Variants in CADM2 observed in about 807,000 individuals in gnomAD.
The protein encoded by CADM2 is cell adhesion molecule 2, also known as immunoglobulin superfamily member 4D.
A neutral mutation model predicts 49.8 loss-of-function variants in CADM2; 12 were observed. That is an observed-to-expected ratio of 0.24 (90% CI 0.15 to 0.39). CADM2 has a LOEUF of 0.39. Ranked by LOEUF, CADM2 falls within the 10% of genes least tolerant of loss-of-function variation. The pLI is 1.00. For missense variants in CADM2, 378 were observed against 492.3 expected (o/e 0.77, Z 2.20); for synonymous variants, 214 against 175.4 (o/e 1.22, Z -1.74).
At chr3:85,024,824 A>G (rs1046258635) in intron 1 of CADM2, among the ~76,000 whole-genome samples, 1 of 152,048 alleles carries the variant, frequency 6.6e-6, no homozygotes, top group Non-Finnish European at 1.5e-5. Flanking sequence ...CAGAAGGGAA[A>G]TTTGCATTAA....
intron 3 of CADM2, among the ~76,000 whole-genome samples, chr3:85,817,891 G>T (rs569023850): frequency 5.9e-5 from 9 of 152,072 alleles, no homozygotes; most frequent in Non-Finnish European, 1.2e-4. Flanking sequence ...GTCTCGGTGT[G>T]TAGGCTGAAA....
Position 85,137,974 on chromosome 3 carries a change from T to C in CADM2, c.61+178306T>C, listed in dbSNP as rs373831518. On this transcript the variant is annotated intron_variant, in intron 1 of 9. Coordinates refer to ENST00000383699, the MANE Select transcript of CADM2 (RefSeq NM_001167675.2). ...CTGAGAGGTTTTTCTTTCTTTCATA[T>C]AAATGTACATTCATAGAAATAGATT... 5.6e-3 allele frequency among the ~76,000 whole-genome samples: 846 copies of C among 152,274 alleles called. 3 individuals are homozygous for C. Among genetic ancestry groups the C allele is most frequent in the Non-Finnish European group, 9.7e-3 (659 of 67,992 alleles).
chr3:85,718,879 T>C (rs2067393165), intron 1 of CADM2, among the ~76,000 whole-genome samples: 1 of 129,444 alleles, frequency 7.7e-6, no homozygotes, highest in South Asian at 2.5e-4. Flanking sequence ...AAATTAATGG[T>C]ATTTTATTAT....
intron 1 of CADM2, among the ~76,000 whole-genome samples, chr3:85,100,957 A>C (rs1252619417): frequency 6.6e-6 from 1 of 152,148 alleles, no homozygotes; most frequent in Non-Finnish European, 1.5e-5. Context: ...ATAAGATGTC[A>C]TACAAATCAA....
chr3:85,959,052 ATATATC>A (rs1222921304), intron 7 of CADM2, among the ~76,000 whole-genome samples: 57 of 150,842 alleles, frequency 3.8e-4, no homozygotes, highest in African/African-American at 2.4e-4. Flanking sequence ...CTATATATCT[ATATATC>A]TATATCTATA....
At position 86,070,245 on chromosome 3, in the gene CADM2, TATCTC is replaced by T. The variant is rs1418496544; in HGVS notation, c.*3464_*3468del. The T allele has an allele frequency of 2.6e-5, 4 of 151,968 alleles. No individual in the cohort carries two copies. The highest frequency in any genetic ancestry group is 5.9e-5 in the Non-Finnish European group (4 of 67,884). The allele number at this position is 151,968 out of a possible 1,614,324, so 9.4% of individuals were successfully genotyped here. On this transcript the variant is annotated 3_prime_UTR_variant, in exon 10 of 10. Transcript: ENST00000383699. ...TTTTATTTCTTTGTAAAAATATAAA[TATCTC>T]AATCAAAAGTACAGGCTCATTTGTA...
In CADM2 at chr3:85,436,906, C is replaced by T. The variant is rs778285889; in HGVS notation, c.62-289616C>T. ...ACTAGGGTTCACTCTTGTTACTGTA[C>T]GTTTATGAGTTTGGAGAAATATATG... is the stretch of plus-strand genomic sequence containing the variant. On this transcript the variant is annotated intron_variant, in intron 1 of 9. Transcript: ENST00000383699. Among the ~76,000 whole-genome samples the T allele has an allele frequency of 1.1e-4, 16 of 152,068 alleles. No homozygotes were observed. The East Asian group carries it at 2.3e-3, about 22-fold the overall frequency.
rs967771685 is a variant in CADM2, at chr3:85,588,819, A to G, written c.62-137703A>G. The stretch of plus-strand genomic sequence containing the variant: ...AAATAGTGCACCTGCCTGGAGAACC[A>G]ATTAGATTAGACAGTAGAAGCAAGG... On this transcript the variant is annotated intron_variant, in intron 1 of 9. Coordinates refer to ENST00000383699, the MANE Select transcript of CADM2 (RefSeq NM_001167675.2). Among the ~76,000 whole-genome samples, 26 of 152,006 alleles carry G rather than the reference A, an allele frequency of 1.7e-4. 1 individual carries two copies. Among genetic ancestry groups the G allele is most frequent in the African/African-American group, 6.3e-4 (26 of 41,428 alleles).
chr3:85,095,219 T>A (rs2107531274), intron 1 of CADM2, among the ~76,000 whole-genome samples: 1 of 152,270 alleles, frequency 6.6e-6, no homozygotes. Context: ...AATCTAGAGA[T>A]GTGCATACAC....
At chr3:85,638,350 C>T (rs2064584608) in intron 1 of CADM2, among the ~76,000 whole-genome samples, 1 of 152,008 alleles carries the variant, frequency 6.6e-6, no homozygotes. Flanking sequence ...TTCTGTGTTT[C>T]CTAAATTCTT....
intron 1 of CADM2, among the ~76,000 whole-genome samples, chr3:85,274,484 G>A (rs534073506): frequency 1.3e-5 from 2 of 151,416 alleles, no homozygotes; most frequent in South Asian, 4.2e-4. Flanking sequence ...CATTCATTAA[G>A]AGGAAGGATG....
At chr3:86,063,515 A>C (rs1048930388) in intron 8 of CADM2, among the ~76,000 whole-genome samples, 1 of 152,164 alleles carries the variant, frequency 6.6e-6, no homozygotes, top group Non-Finnish European at 1.5e-5. Flanking sequence ...AGTTCAACCT[A>C]GTTAGTCATA....
chr3:85,026,325 C>G (rs1342800921), intron 1 of CADM2, among the ~76,000 whole-genome samples: 2 of 151,934 alleles, frequency 1.3e-5, no homozygotes, highest in Non-Finnish European at 2.9e-5. Context: ...AATAGCAAAC[C>G]AGTTGCTAAA....
At chr3:85,414,172 A>C (rs999575374) in intron 1 of CADM2, among the ~76,000 whole-genome samples, 8 of 152,120 alleles carry the variant, frequency 5.3e-5, no homozygotes, top group African/African-American at 1.9e-4. Context: ...CTGATGAATT[A>C]ATTTATTTGT....
intron 3 of CADM2, among the ~76,000 whole-genome samples, chr3:85,855,473 T>C (rs924307537): frequency 2.0e-5 from 3 of 151,538 alleles, no homozygotes; most frequent in Admixed American, 2.0e-4. Context: ...TCTTCCCTTT[T>C]TGACATAATG....
intron 1 of CADM2, among the ~76,000 whole-genome samples, chr3:85,120,787 T>G (rs1377785316): frequency 6.6e-6 from 1 of 151,886 alleles, no homozygotes; most frequent in Non-Finnish European, 1.5e-5. Context: ...GTAACAAACC[T>G]GCACGTTCTT....
At chr3:85,625,498 T>G (rs2064099072) in intron 1 of CADM2, among the ~76,000 whole-genome samples, 1 of 152,238 alleles carries the variant, frequency 6.6e-6, no homozygotes, top group Non-Finnish European at 1.5e-5. Flanking sequence ...TTTGTTTCTA[T>G]TGCATTCCAT....
intron 1 of CADM2, among the ~76,000 whole-genome samples, chr3:85,428,819 T>C (rs1217500362): frequency 6.6e-6 from 1 of 151,376 alleles, no homozygotes; most frequent in Non-Finnish European, 1.5e-5. Flanking sequence ...CCATGCAGTT[T>C]TTCTTTTACA....
intron 1 of CADM2, among the ~76,000 whole-genome samples, chr3:85,404,788 A>G (rs1422638561): frequency 1.3e-5 from 2 of 152,162 alleles, no homozygotes; most frequent in African/African-American, 4.8e-5. Context: ...ATTTCCTGTC[A>G]GGTGCAAATA....
Sources: gnomAD v4.1 joint callset for allele counts (sites outside exome capture counted in the v4.1 genomes callset) on GRCh38, gnomAD v4.1.1 for gene constraint, MANE v1.5 for transcripts, NCBI Gene and HGNC (gene_info 2026-07-23, HGNC 2026-07-21) for gene names.